The following SPTB variants were observed in gnomAD, a reference collection of about 807,000 sequenced individuals.
The protein encoded by SPTB is spectrin beta chain, erythrocytic.
In SPTB, 45 loss-of-function variants were observed where a neutral mutation model predicts 256.2. That is an observed-to-expected ratio of 0.18 (90% CI 0.14 to 0.23). SPTB has a LOEUF of 0.23. Ranked by LOEUF, SPTB falls within the 10% of genes least tolerant of loss-of-function variation. The probability of loss-of-function intolerance (pLI) is 1.00; values close to 1 mark genes in which losing one functional copy is unlikely to be tolerated. For missense variants in SPTB, 2,715 were observed against 3,040.4 expected, an observed-to-expected ratio of 0.89 and a Z score of 2.52; for synonymous variants, 1,231 against 1,243.1, an observed-to-expected ratio of 0.99 and a Z score of 0.21.
chr14:64,754,099 T>C (rs1214110272), intron 32 of SPTB: 1 of 502,752 alleles, frequency 2.0e-6, no homozygotes, highest in Non-Finnish European at 3.6e-6. Flanking sequence ...CAAAGGGGCC[T>C]GAGTGATTAT....
At position 64,749,808 on chromosome 14, in the gene SPTB, G is replaced by T. The variant is rs2081916168; in HGVS notation, c.6777-112C>A. The T allele has an allele frequency of 6.7e-7, 1 of 1,499,500 alleles. No homozygotes were observed. Among genetic ancestry groups the T allele is most frequent in the Non-Finnish European group, 9.2e-7 (1 of 1,091,402 alleles). 92.9% of individuals were successfully genotyped at this position (1,499,500 alleles called of 1,614,324 possible). A position where few individuals can be genotyped will look rare whatever the true frequency, so the allele number is the denominator to read the frequency against. On this transcript the variant is annotated intron_variant, in intron 34 of 35. Transcript: ENST00000644917. This position sits in a 1 kb window ranked among gnomAD's most constrained non-coding sequence, Gnocchi z 4.7. ...AGCCGAACATCCAGACCCCTCTCAG[G>T]CAGCCCAGCACTTTCTGAGAGGTCA...
chr14:64,804,835 G>C lies in SPTB; in HGVS notation c.300+104C>G, dbSNP rs1032341047. The stretch of plus-strand genomic sequence containing the variant: ...TATTAGAGCCTCCCAAAGGAGCAGA[G>C]AGAAAACTGGGAAGGCCAGGAGAAC... On this transcript the variant is annotated intron_variant, in intron 3 of 35. Coordinates refer to ENST00000644917, the MANE Select transcript of SPTB (RefSeq NM_001355436.2). 3 of 1,450,342 alleles carry C rather than the reference G, an allele frequency of 2.1e-6. No individual in the cohort carries two copies. In the African/African-American group the frequency reaches 4.2e-5, roughly 20 times the overall value. 89.8% of individuals were successfully genotyped at this position (1,450,342 alleles called of 1,614,324 possible). A position where few individuals can be genotyped will look rare whatever the true frequency, so the allele number is the denominator to read the frequency against.
At position 64,749,429 on chromosome 14, in the gene SPTB, G is replaced by A. The variant is rs553021712; in HGVS notation, c.6864C>T (p.Asn2288=). ...SWLQGVSTAI[N]ESQSIRVKAQ... is the part of the protein sequence containing the mutation. ...CCTTGACGCGGATGCTCTGGGACTC[G>A]TTGATGGCGGTGCTCACGCCCTGCA... is the stretch of plus-strand genomic sequence containing the variant. Residue 2288 remains asparagine (N), a synonymous_variant, in exon 36 of 36, where the codon AAC becomes AAT. Transcript: ENST00000644917. The surrounding 1 kb of genome is among the most constrained non-coding windows in gnomAD (Gnocchi z 4.7). 1.9e-6 allele frequency: 3 copies of A among 1,604,662 alleles called. No individual in the cohort carries two copies. Among genetic ancestry groups the A allele is most frequent in the Admixed American group, 1.7e-5 (1 of 59,962 alleles).
chr14:64,749,462 C>T lies in SPTB; in HGVS notation c.6831G>A (p.Leu2277=), dbSNP rs781179849. Residue 2277 remains leucine (L), a synonymous_variant, in exon 36 of 36, where the codon CTG becomes CTA. Transcript: ENST00000644917. This position sits in a 1 kb window ranked among gnomAD's most constrained non-coding sequence, Gnocchi z 4.7. The part of the protein sequence containing the change: ...LFHGKDEEEM[L]SWLQGVSTAI... ...CGGTGCTCACGCCCTGCAGCCAGGA[C>T]AGCATCTCCTCCTGCGGGGCGGAGG... The T allele has an allele frequency of 3.1e-6, 5 of 1,601,338 alleles. No homozygotes were observed. In the South Asian group the frequency reaches 4.4e-5, roughly 14 times the overall value.
chr14:64,767,368 G>A lies in SPTB; in HGVS notation c.6220-16C>T, dbSNP rs78459089. The A allele has an allele frequency of 1.2e-6, 2 of 1,613,178 alleles. No individual in the cohort carries two copies. The highest frequency in any genetic ancestry group is 2.2e-5 in the East Asian group (1 of 44,876). Reference sequence around the variant, plus strand: ...TCAGCTCAAGCTAGAGGAGGAGAAGGCCCAGGGGTCAGAGCAGCCACAGAG... The same window carrying A: ...TCAGCTCAAGCTAGAGGAGGAGAAGACCCAGGGGTCAGAGCAGCCACAGAG... On this transcript the variant is annotated splice_polypyrimidine_tract_variant and intron_variant, in intron 30 of 35. Transcript: ENST00000644917.
Position 64,799,833 on chromosome 14 carries a change from G to C in SPTB, c.978C>G (p.Asn326Lys). 6.2e-7 allele frequency: 1 copy of C among 1,614,262 alleles called. No homozygotes were observed. Among genetic ancestry groups the C allele is most frequent in the Non-Finnish European group, 8.5e-7 (1 of 1,180,048 alleles). The change falls in exon 9 of 36, where the codon AAC (asparagine) becomes AAG (lysine). Residue 326 changes from asparagine (N) to lysine (K), a missense_variant. Around this residue, in one of 4 missense-constraint regions of SPTB, gnomAD observed 416 missense variants for 571.1 expected, o/e 0.73. Coordinates refer to ENST00000644917, the MANE Select transcript of SPTB (RefSeq NM_001355436.2). The part of the protein sequence containing the change: ...TWIEQTITVL[N>K]SRKFANSLTG... ...TCAGCGAGTTGGCAAACTTGCGGCT[G>C]TTCAGGACAGTGATGGTCTGCTCGA... is the stretch of plus-strand genomic sequence containing the variant.
intron 1 of SPTB, among the ~76,000 whole-genome samples, chr14:64,870,103 C>T (rs552442828): frequency 1.3e-5 from 2 of 152,030 alleles, no homozygotes; most frequent in Admixed American, 1.3e-4. Flanking sequence ...ACAAGATGAT[C>T]CACCTGTAAG....
At chr14:64,851,870 T>C (rs1332923056) in intron 1 of SPTB, among the ~76,000 whole-genome samples, 1 of 103,246 alleles carries the variant, frequency 9.7e-6, no homozygotes, top group African/African-American at 3.8e-5. Flanking sequence ...TTGTGGGGGG[T>C]GGAGGGGGGA....
intron 19 of SPTB, 79 bp from the exon 20 acceptor site, chr14:64,782,632 G>C: frequency 6.3e-7 from 1 of 1,597,972 alleles, no homozygotes; most frequent in Admixed American, 1.7e-5. Context: ...GGTTGCAAGA[G>C]GCTACCCAAG....
chr14:64,860,049 C>A (rs1034862928), intron 1 of SPTB, among the ~76,000 whole-genome samples: 1 of 152,118 alleles, frequency 6.6e-6, no homozygotes, highest in African/African-American at 2.4e-5. Context: ...CCCCTAGAAT[C>A]TAAGAGAATT....
In SPTB at chr14:64,786,335, T is replaced by G; in HGVS notation, c.3561+69A>C. 6.3e-7 allele frequency: 1 copy of G among 1,583,888 alleles called. No homozygotes were observed. Among genetic ancestry groups the G allele is most frequent in the Non-Finnish European group, 8.6e-7 (1 of 1,156,380 alleles). ...TGTGGTCCCTGAGTCTTACAGCACATTTGTGGACTCACCACAAGAGCTACT... is the reference window on the plus strand; with the variant it reads ...TGTGGTCCCTGAGTCTTACAGCACAGTTGTGGACTCACCACAAGAGCTACT... On this transcript the variant is annotated intron_variant, in intron 16 of 35. Transcript: ENST00000644917. The surrounding 1 kb of genome is among the most constrained non-coding windows in gnomAD (Gnocchi z 5.6).
chr14:64,807,007 C>G lies in SPTB; in HGVS notation c.149-1917G>C, dbSNP rs942126923. 2.0e-5 allele frequency among the ~76,000 whole-genome samples: 3 copies of G among 152,202 alleles called. No homozygotes were observed. The highest frequency in any genetic ancestry group is 6.5e-5 in the Admixed American group (1 of 15,286). On this transcript the variant is annotated intron_variant, in intron 2 of 35. Coordinates refer to ENST00000644917, the MANE Select transcript of SPTB (RefSeq NM_001355436.2). This position sits in a 1 kb window ranked among gnomAD's most constrained non-coding sequence, Gnocchi z 4.7. ...ACCACTTTCCTGATTTCAAATGCTG[C>G]TTCAGCGAAATGTAACTAAAGGGAG...
In SPTB at chr14:64,802,153, C is replaced by T. The variant is rs539145602; in HGVS notation, c.566+73G>A. ...CTGGGTGATGATGTCTAATGTCCCT[C>T]TGGAGATGGCAGTGCTTGTGCGGAG... On this transcript the variant is annotated intron_variant, in intron 5 of 35. Transcript: ENST00000644917. This position sits in a 1 kb window ranked among gnomAD's most constrained non-coding sequence, Gnocchi z 5.1. 9 of 1,396,220 alleles carry T rather than the reference C, an allele frequency of 6.4e-6. No homozygotes were observed. The East Asian group carries it at 1.1e-4, about 18-fold the overall frequency. The allele number at this position is 1,396,220 out of a possible 1,614,324, so 86.5% of individuals were successfully genotyped here. A position where few individuals can be genotyped will look rare whatever the true frequency, so the allele number is the denominator to read the frequency against.
In SPTB at chr14:64,792,838, T is replaced by C. The variant is rs569296762; in HGVS notation, c.2666+159A>G. Among the ~76,000 whole-genome samples the C allele has an allele frequency of 1.3e-5, 2 of 152,312 alleles. No homozygotes were observed. Among genetic ancestry groups the C allele is most frequent in the South Asian group, 4.1e-4 (2 of 4,830 alleles). ...AGTACCCCAGGCCACAGAGCCAGAA[T>C]AGAACTTATGACTCCTAATGCCAGG... On this transcript the variant is annotated intron_variant, in intron 14 of 35. Transcript: ENST00000644917. The surrounding 1 kb of genome is among the most constrained non-coding windows in gnomAD (Gnocchi z 4.2).
intron 1 of SPTB, among the ~76,000 whole-genome samples, chr14:64,871,533 G>A (rs962605172): frequency 1.3e-5 from 2 of 152,214 alleles, no homozygotes; most frequent in African/African-American, 4.8e-5. Context: ...GAGATCCTTA[G>A]TTGATAGAAA....
In SPTB at chr14:64,793,659, G is replaced by A. The variant is rs900152568; in HGVS notation, c.2004C>T (p.Asp668=). The change falls in exon 14 of 36, where the codon GAC becomes GAT. Residue 668 remains aspartate, a synonymous_variant. Transcript: ENST00000644917. This position sits in a 1 kb window ranked among gnomAD's most constrained non-coding sequence, Gnocchi z 7.0. ...QIYSSLDYGK[D]LTSVLILQRK... ...GCTGTAAGATGAGCACACTGGTCAGGTCTTTGCCATAGTCCAGGGAAGAAT... is the reference window on the plus strand; with the variant it reads ...GCTGTAAGATGAGCACACTGGTCAGATCTTTGCCATAGTCCAGGGAAGAAT... The A allele has an allele frequency of 6.2e-7, 1 of 1,614,172 alleles. No individual in the cohort carries two copies. Among genetic ancestry groups the A allele is most frequent in the Admixed American group, 1.7e-5 (1 of 60,022 alleles).
Position 64,792,574 on chromosome 14 carries a change from C to A in SPTB, c.2666+423G>T, listed in dbSNP as rs1463138495. ...AGTGGCCTTGCAGACAGGGGGTTTG[C>A]AAATTCTCTCTGTGGCCCCTCAGAG... On this transcript the variant is annotated intron_variant, in intron 14 of 35. Coordinates refer to ENST00000644917, the MANE Select transcript of SPTB (RefSeq NM_001355436.2). The surrounding 1 kb of genome is among the most constrained non-coding windows in gnomAD (Gnocchi z 4.2). 6.6e-6 allele frequency among the ~76,000 whole-genome samples: 1 copy of A among 152,114 alleles called. No individual in the cohort carries two copies. The highest frequency in any genetic ancestry group is 1.5e-5 in the Non-Finnish European group (1 of 68,016).
chr14:64,751,020 GTTATATA>G (rs1035742286), intron 33 of SPTB, among the ~76,000 whole-genome samples: 3 of 142,308 alleles, frequency 2.1e-5, no homozygotes, highest in Admixed American at 7.1e-5. Context: ...TATACATTAT[GTTATATA>G]TTATATATGT....
In SPTB at chr14:64,827,934, C is replaced by A. The variant is rs1034740742; in HGVS notation, c.-51-4789G>T. Among the ~76,000 whole-genome samples the A allele has an allele frequency of 6.6e-6, 1 of 152,160 alleles. No homozygotes were observed. Among genetic ancestry groups the A allele is most frequent in the African/African-American group, 2.4e-5 (1 of 41,432 alleles). ...GATAAGCATGCCACCTATGGGTGAC[C>A]TTTCCAGTCGATGGACACCACCAGC... On this transcript the variant is annotated intron_variant, in intron 1 of 35. Coordinates refer to ENST00000644917, the MANE Select transcript of SPTB (RefSeq NM_001355436.2). The surrounding 1 kb of genome is among the most constrained non-coding windows in gnomAD (Gnocchi z 4.6).
Sources: gnomAD v4.1 joint callset for allele counts (sites outside exome capture counted in the v4.1 genomes callset) on GRCh38, gnomAD v4.1.1 for gene constraint, gnomAD v4.1.1 regional missense constraint, Gnocchi (gnomAD v3.1) non-coding constraint, MANE v1.5 for transcripts, NCBI Gene and HGNC (gene_info 2026-07-23, HGNC 2026-07-21) for gene names.